The following RNF17 variants were observed in gnomAD, a reference collection of about 807,000 sequenced individuals.
RNF17 encodes the protein spermatogenesis associated 23.
Under a neutral mutation model 200.5 loss-of-function variants are expected in RNF17, and 31 were observed. The observed-to-expected ratio is 0.15, with a 90% CI of 0.12 to 0.21. The LOEUF is 0.21. Among genes scored for constraint, RNF17 ranks in the 10% least tolerant of loss-of-function variants. RNF17 has a pLI of 1.00. For missense variants in RNF17, 1,628 were observed against 1,905.1 expected (o/e 0.85, Z 2.71); for synonymous variants, 606 against 637.8 (o/e 0.95, Z 0.75).
At chr13:24,760,351 C>T (rs1878624088), upstream of RNF17, among the ~76,000 whole-genome samples, 1 of 152,008 alleles carries the variant, frequency 6.6e-6, no homozygotes, top group African/African-American at 2.4e-5. Flanking sequence ...TACAAGTTTT[C>T]CAGAAAGAAA....
At chr13:24,865,829 G>T (rs189157172) in intron 29 of RNF17, among the ~76,000 whole-genome samples, 1 of 152,032 alleles carries the variant, frequency 6.6e-6, no homozygotes, top group Non-Finnish European at 1.5e-5. Context: ...TATTAAACAC[G>T]TTTTATAAAG....
At chr13:24,756,187 T>C in the RNF17 span, among the ~76,000 whole-genome samples, 8 of 152,282 alleles carry the variant, frequency 5.3e-5, no homozygotes, top group Middle Eastern at 3.4e-3. Flanking sequence ...TTACTTTTTA[T>C]AAAATAATGT....
In RNF17 at chr13:24,876,668, G is replaced by A. The variant is rs1003459220; in HGVS notation, c.4584-329G>A. Among the ~76,000 whole-genome samples the A allele has an allele frequency of 2.0e-4, 30 of 152,182 alleles. 1 individual carries two copies. Among genetic ancestry groups the A allele is most frequent in the Non-Finnish European group, 5.9e-5 (4 of 68,044 alleles). ...TGGATTTGACTTGCATTTCCCTAATGATTAGTGACGTGGAACATCCTGTCA... is the reference window on the plus strand; with the variant it reads ...TGGATTTGACTTGCATTTCCCTAATAATTAGTGACGTGGAACATCCTGTCA... On this transcript the variant is annotated intron_variant, in intron 33 of 35. Coordinates refer to ENST00000255324, the MANE Select transcript of RNF17 (RefSeq NM_031277.3).
intron 15 of RNF17, among the ~76,000 whole-genome samples, chr13:24,814,477 TC>T (rs1887149102): frequency 6.6e-6 from 1 of 152,250 alleles, no homozygotes; most frequent in South Asian, 2.1e-4. Flanking sequence ...TCATGATGCT[TC>T]TTCCCTATGC....
Position 24,804,338 on chromosome 13 carries a change from A to T in RNF17, c.2000A>T (p.His667Leu), listed in dbSNP as rs9511451. The part of the protein sequence containing the change: ...RSHFEKNTTL[H>L]YHPPILPKEM... ...CACTTTGAAAAAAATACTACTTTAC[A>T]CTATCATCCACCTATTTTGCCTAAA... The change falls in exon 15 of 36, where the codon CAC becomes CTC. Residue 667 changes from histidine (H) to leucine (L), a missense_variant. Physicochemically the swap from His to Leu is moderately conservative, Grantham distance 99 (BLOSUM62 -3). Coordinates refer to ENST00000255324, the MANE Select transcript of RNF17 (RefSeq NM_031277.3). 6.2e-7 allele frequency: 1 copy of T among 1,611,074 alleles called. No individual in the cohort carries two copies. Among genetic ancestry groups the T allele is most frequent in the South Asian group, 1.1e-5 (1 of 90,980 alleles).
chr13:24,883,093 ATAAAT>A (rs767157103), downstream of RNF17: 31 of 1,240,328 alleles, frequency 2.5e-5, no homozygotes, highest in East Asian at 4.6e-5. Flanking sequence ...CACATACACA[ATAAAT>A]TAAACAGAAT....
rs61635829 is a variant in RNF17 at position 24,797,705 on chromosome 13, A to AGTGTGTGTGTCTGTGTGTGTGTGT, written c.1399+1420_1399+1421insCTGTGTGTGTGTGTGTGTGTGTGT. Among the ~76,000 whole-genome samples the AGTGTGTGTGTCTGTGTGTGTGTGT allele has an allele frequency of 9.3e-4, 111 of 119,094 alleles. 1 individual carries two copies. The highest frequency in any genetic ancestry group is 3.2e-3 in the African/African-American group (101 of 31,278). The allele number at this position is 119,094 out of a possible 152,430, so 78.1% of individuals were successfully genotyped here. On this transcript the variant is annotated intron_variant, in intron 11 of 35. Coordinates refer to ENST00000255324, the MANE Select transcript of RNF17 (RefSeq NM_031277.3). ...GAGAGAGAGAGAGAGAGAGACAAAG[A>AGTGTGTGTGTCTGTGTGTGTGTGT]GTGTGTGTGTGTGTGTGTGTGTGTG... is the stretch of plus-strand genomic sequence containing the variant.
At chr13:24,822,497 C>T (rs550457359) in intron 15 of RNF17, among the ~76,000 whole-genome samples, 44 of 152,068 alleles carry the variant, frequency 2.9e-4, no homozygotes, top group African/African-American at 1.0e-3. Flanking sequence ...TCTTGGCTGA[C>T]TGCAACGTGC....
intron 11 of RNF17, among the ~76,000 whole-genome samples, chr13:24,798,551 T>C (rs922800573): frequency 1.3e-5 from 2 of 152,204 alleles, no homozygotes; most frequent in South Asian, 2.1e-4. Context: ...TTCCAAAATA[T>C]GTAGTTTAAA....
At chr13:24,776,521 C>T (rs966055406) in intron 3 of RNF17, among the ~76,000 whole-genome samples, 46 of 152,194 alleles carry the variant, frequency 3.0e-4, no homozygotes, top group African/African-American at 1.1e-3. Flanking sequence ...CTGCTCCCAA[C>T]TCCTATACCA....
At chr13:24,773,645 A>G (rs1372668755) in intron 2 of RNF17, among the ~76,000 whole-genome samples, 2 of 152,192 alleles carry the variant, frequency 1.3e-5, no homozygotes, top group Non-Finnish European at 2.9e-5. Context: ...CCTCAGCATC[A>G]TGCCCTACAC....
chr13:24,868,788 A>C, intron 31 of RNF17, 72 bp downstream of exon 31: 2 of 787,238 alleles, frequency 2.5e-6, no homozygotes, highest in South Asian at 1.5e-5. Context: ...ACTATAAGTG[A>C]CTCTTCACTT....
intron 5 of RNF17, among the ~76,000 whole-genome samples, chr13:24,780,103 C>G (rs1237621620): frequency 6.6e-6 from 1 of 152,094 alleles, no homozygotes; most frequent in Non-Finnish European, 1.5e-5. Context: ...CCAAAAGAGA[C>G]TCTCTCATTT....
intron 18 of RNF17, among the ~76,000 whole-genome samples, chr13:24,834,956 C>T (rs1889808064): frequency 6.6e-6 from 1 of 152,190 alleles, no homozygotes; most frequent in Non-Finnish European, 1.5e-5. Context: ...TGCTCTCCAC[C>T]TGGACACAGA....
chr13:24,802,549 C>T lies in RNF17; in HGVS notation c.1927C>T (p.Leu643=). ...SDMPVSLRDA[L]VFMELAKFKS... ...TATGCCTGTGTCTCTTAGAGATGCG[C>T]TAGTTTTTATGGAACTAGCAAAGTA... Residue 643 remains leucine (L), a synonymous_variant, in exon 14 of 36, where the codon CTA becomes TTA. Coordinates refer to ENST00000255324, the MANE Select transcript of RNF17 (RefSeq NM_031277.3). 1 of 1,606,924 alleles carries T rather than the reference C, an allele frequency of 6.2e-7. No homozygotes were observed. The highest frequency in any genetic ancestry group is 1.1e-5 in the South Asian group (1 of 88,972).
At chr13:24,840,682 A>G (rs1157073986) in intron 18 of RNF17, among the ~76,000 whole-genome samples, 1 of 151,858 alleles carries the variant, frequency 6.6e-6, no homozygotes, top group East Asian at 1.9e-4. Flanking sequence ...GTTCTCACTG[A>G]TATGTGGGAG....
At chr13:24,862,325 C>T (rs1566241759) in intron 27 of RNF17, among the ~76,000 whole-genome samples, 1 of 152,114 alleles carries the variant, frequency 6.6e-6, no homozygotes, top group Non-Finnish European at 1.5e-5. Context: ...ACCATGTGAA[C>T]CTCTCAACGC....
chr13:24,816,218 A>G (rs1887393008), intron 15 of RNF17, among the ~76,000 whole-genome samples: 1 of 152,118 alleles, frequency 6.6e-6, no homozygotes, highest in African/African-American at 2.4e-5. Flanking sequence ...TTCATATGTC[A>G]TTATCCTTGC....
intron 32 of RNF17, among the ~76,000 whole-genome samples, chr13:24,871,054 T>C (rs1388150524): frequency 6.6e-6 from 1 of 152,132 alleles, no homozygotes; most frequent in African/African-American, 2.4e-5. Flanking sequence ...ATTGCAAGAG[T>C]TGTCATTCAG....
Sources: gnomAD v4.1 joint callset for allele counts (sites outside exome capture counted in the v4.1 genomes callset) on GRCh38, gnomAD v4.1.1 for gene constraint, MANE v1.5 for transcripts, NCBI Gene and HGNC (gene_info 2026-07-23, HGNC 2026-07-21) for gene names.